Variants in SCP2 observed in about 807,000 individuals in gnomAD.
The protein encoded by SCP2 is sterol carrier protein 2.
In SCP2, 48 loss-of-function variants were observed where a neutral mutation model predicts 71.4. The ratio of observed to expected loss-of-function variants is 0.67; its 90% CI spans 0.53 to 0.86. The LOEUF (loss-of-function observed/expected upper bound fraction) is 0.86, where lower values mean the gene tolerates loss of function less well. SCP2 is among the 40% of genes least tolerant of loss of function. The probability of loss-of-function intolerance (pLI) is 0.00; values close to 1 mark genes in which losing one functional copy is unlikely to be tolerated. For missense variants in SCP2, 560 were observed against 655.6 expected, an observed-to-expected ratio of 0.85 and a Z score of 1.59; for synonymous variants, 220 against 218.1, an observed-to-expected ratio of 1.01 and a Z score of -0.08.
intron 1 of SCP2, among the ~76,000 whole-genome samples, chr1:52,929,428 G>C (rs1652920280): frequency 6.6e-6 from 1 of 151,546 alleles, no homozygotes; most frequent in Non-Finnish European, 1.5e-5. Flanking sequence ...ATATATTACT[G>C]TTATAATTTA....
intron 13 of SCP2, among the ~76,000 whole-genome samples, chr1:53,028,475 A>G (rs1297073556): frequency 6.8e-6 from 1 of 147,216 alleles, no homozygotes; most frequent in African/African-American, 2.6e-5. Context: ...TTTTTTGTAT[A>G]TATATCAAAA....
chr1:52,962,866 C>T (rs997666551), intron 6 of SCP2, among the ~76,000 whole-genome samples: 3 of 151,870 alleles, frequency 2.0e-5, no homozygotes, highest in African/African-American at 7.3e-5. Flanking sequence ...ATATCTGACA[C>T]ATACATATAT....
chr1:53,025,434 T>C (rs565894836), intron 12 of SCP2, among the ~76,000 whole-genome samples: 1 of 152,316 alleles, frequency 6.6e-6, no homozygotes, highest in Admixed American at 6.5e-5. Context: ...AGCTCCAGAC[T>C]CTCATATCCA....
intron 5 of SCP2, among the ~76,000 whole-genome samples, chr1:52,958,647 C>T (rs2150137357): frequency 6.6e-6 from 1 of 152,166 alleles, no homozygotes; most frequent in African/African-American, 2.4e-5. Flanking sequence ...GTTAGTCTAT[C>T]CCATATTCTG....
chr1:52,951,100 A>G (rs924505650), intron 4 of SCP2, among the ~76,000 whole-genome samples: 2 of 151,936 alleles, frequency 1.3e-5, no homozygotes, highest in African/African-American at 4.8e-5. Context: ...TGGGCAATGT[A>G]ACAAAACCCC....
chr1:52,956,404 C>T (rs1655796943), intron 5 of SCP2, among the ~76,000 whole-genome samples: 1 of 152,132 alleles, frequency 6.6e-6, no homozygotes, highest in Non-Finnish European at 1.5e-5. Context: ...TCTGTTGAAA[C>T]ATTAAAGGAC....
chr1:52,948,781 AATAAG>A (rs1289233815), intron 3 of SCP2, among the ~76,000 whole-genome samples: 51 of 152,254 alleles, frequency 3.3e-4, no homozygotes, highest in Middle Eastern at 3.4e-3. Context: ...CAAGGTATAA[AATAAG>A]ATGATTTATG....
intron 11 of SCP2, among the ~76,000 whole-genome samples, chr1:53,006,232 C>T (rs2150216747): frequency 6.6e-6 from 1 of 152,288 alleles, no homozygotes; most frequent in South Asian, 2.1e-4. Context: ...AGAACTTCCC[C>T]AACCTAGCAA....
At chr1:52,928,473 ACC>A (rs1480489827) in intron 1 of SCP2, among the ~76,000 whole-genome samples, 2 of 152,218 alleles carry the variant, frequency 1.3e-5, no homozygotes, top group Non-Finnish European at 2.9e-5. Context: ...GGCTGAGCGT[ACC>A]TAATTCAGTC....
At chr1:52,980,764 A>AT (rs1424706578) in intron 10 of SCP2, among the ~76,000 whole-genome samples, 1 of 152,210 alleles carries the variant, frequency 6.6e-6, no homozygotes, top group East Asian at 1.9e-4. Flanking sequence ...AATTTGTATT[A>AT]TGATTATATT....
Position 53,006,986 on chromosome 1 carries a change from C to G in SCP2, c.1082-7904C>G, listed in dbSNP as rs370843057. On this transcript the variant is annotated intron_variant, in intron 11 of 15. Coordinates refer to ENST00000371514, the MANE Select transcript of SCP2 (RefSeq NM_002979.5). ...AAAAAGCAGGGGTTGCAATCCTAGT[C>G]TCTGATAAAACAGACTTTAAACCGA... Among the ~76,000 whole-genome samples the G allele has an allele frequency of 5.9e-5, 9 of 152,230 alleles. No individual in the cohort carries two copies. The East Asian group carries it at 1.2e-3, about 20-fold the overall frequency.
At chr1:52,945,539 C>T (rs1654700792) in intron 2 of SCP2, among the ~76,000 whole-genome samples, 1 of 151,982 alleles carries the variant, frequency 6.6e-6, no homozygotes, top group Admixed American at 6.6e-5. Context: ...TCCATCTCTA[C>T]TAAAAATACA....
intron 11 of SCP2, among the ~76,000 whole-genome samples, chr1:52,991,282 G>A (rs946780919): frequency 6.6e-6 from 1 of 152,180 alleles, no homozygotes; most frequent in African/African-American, 2.4e-5. Flanking sequence ...AAAAAGAGTA[G>A]GAACACAATA....
intron 12 of SCP2, among the ~76,000 whole-genome samples, chr1:53,024,411 A>G (rs1483834297): frequency 6.6e-6 from 1 of 152,126 alleles, no homozygotes; most frequent in African/African-American, 2.4e-5. Flanking sequence ...TTATGACTGT[A>G]TTTAATACTA....
intron 6 of SCP2, among the ~76,000 whole-genome samples, chr1:52,972,539 T>G (rs1021434731): frequency 6.6e-6 from 1 of 152,242 alleles, no homozygotes; most frequent in Non-Finnish European, 1.5e-5. Flanking sequence ...ATGCATGGAT[T>G]GCTTGCAAAT....
chr1:52,993,576 T>C (rs1659697167), intron 11 of SCP2: 5 of 1,611,456 alleles, frequency 3.1e-6, no homozygotes, highest in Admixed American at 3.3e-5. Context: ...TACTGTTCTC[T>C]CATGGCTCCA....
intron 11 of SCP2, chr1:52,995,576 A>G: frequency 2.1e-6 from 1 of 482,952 alleles, no homozygotes; most frequent in Non-Finnish European, 4.0e-6. Flanking sequence ...CAGTGCCCAA[A>G]CTCATCAGGT....
chr1:53,038,794 G>A lies in SCP2; in HGVS notation c.1339-123G>A, dbSNP rs535235058. ...CTTTTCTGGGTAAAAGATCATAAGG[G>A]ACCTTGGGGACCGCTCCCTGGCCCG... On this transcript the variant is annotated intron_variant, in intron 13 of 15. Coordinates refer to ENST00000371514, the MANE Select transcript of SCP2 (RefSeq NM_002979.5). 1.2e-5 allele frequency: 14 copies of A among 1,175,778 alleles called. No homozygotes were observed. The South Asian group carries it at 1.7e-4, about 14-fold the overall frequency. The allele number at this position is 1,175,778 out of a possible 1,614,324, so 72.8% of individuals were successfully genotyped here. A position where few individuals can be genotyped will look rare whatever the true frequency, so the allele number is the denominator to read the frequency against.
chr1:52,993,745 C>T (rs942689457), intron 11 of SCP2: 22 of 1,601,898 alleles, frequency 1.4e-5, no homozygotes, highest in Non-Finnish European at 1.8e-5. Context: ...TGATTGAAGA[C>T]TCCTGCATGC....
Sources: allele counts gnomAD v4.1 joint callset (sites outside exome capture counted in the v4.1 genomes callset), GRCh38; gene constraint gnomAD v4.1.1; transcripts MANE v1.5; gene names NCBI Gene and HGNC (gene_info 2026-07-23, HGNC 2026-07-21).